The following PI4KA variants were observed in gnomAD, a reference collection of about 807,000 sequenced individuals.
PI4KA encodes the protein PI4-kinase alpha.
PI4KA carries 122 observed loss-of-function variants against 271.4 expected under a neutral mutation model. That is an observed-to-expected ratio of 0.45 (90% CI 0.39 to 0.52). The LOEUF is 0.52. Ranked by LOEUF, PI4KA falls within the 20% of genes least tolerant of loss-of-function variation. PI4KA has a pLI of 0.00. For synonymous variants in PI4KA, 1,041 were observed against 1,078.8 expected (o/e 0.96, Z 0.69); for missense variants, 1,969 against 2,769.1 (o/e 0.71, Z 6.48).
At chr22:20,727,720 A>G (rs1927530607) in intron 40 of PI4KA, 54 bp downstream of exon 40, 1 of 1,302,248 alleles carries the variant, frequency 7.7e-7, no homozygotes. Flanking sequence ...TTCTGGGTGC[A>G]GTGTGCTATT....
chr22:20,744,632 C>T lies in PI4KA; in HGVS notation c.3452G>A (p.Gly1151Asp). The T allele has an allele frequency of 6.2e-7, 1 of 1,613,466 alleles. No individual in the cohort carries two copies. The highest frequency in any genetic ancestry group is 8.5e-7 in the Non-Finnish European group (1 of 1,179,386). Reference protein sequence around the residue: ...ASLNLRNRYAGEVYGMIRFSG... With the variant: ...ASLNLRNRYADEVYGMIRFSG... ...GCGCAAGGACAAGAGAAGCACCTCG[C>T]CCGCGTAGCGGTTGCGCAGATTCAG... Residue 1151 changes from glycine to aspartate, a missense_variant, in exon 30 of 55, where the codon GGC becomes GAC. Gly to Asp is a moderately conservative substitution (Grantham distance 94). Coordinates refer to ENST00000255882, the MANE Select transcript of PI4KA (RefSeq NM_058004.4).
At position 20,729,841 on chromosome 22, in the gene PI4KA, C is replaced by G. The variant is rs1316896283; in HGVS notation, c.4408+51G>C. The G allele has an allele frequency of 1.9e-6, 3 of 1,611,436 alleles. No homozygotes were observed. The Admixed American group carries it at 5.0e-5, about 27-fold the overall frequency. On this transcript the variant is annotated intron_variant, in intron 37 of 54. Transcript: ENST00000255882. ...CAAGTGTCCATCAAGCAGCTTGCAA[C>G]TAGAATGATAGCTTGCATGTGATGG...
Position 20,759,402 on chromosome 22 carries a change from C to CTTTTTTTTTTTTTTT in PI4KA, c.2791+1887_2791+1901dup, listed in dbSNP as rs886192073. Among the ~76,000 whole-genome samples the CTTTTTTTTTTTTTTT allele has an allele frequency of 1.2e-3, 122 of 102,864 alleles. 1 individual carries two copies. The highest frequency in any genetic ancestry group is 2.5e-3 in the Admixed American group (22 of 8,860). The allele number at this position is 102,864 out of a possible 152,430, so 67.5% of individuals were successfully genotyped here. On this transcript the variant is annotated intron_variant, in intron 23 of 54. Transcript: ENST00000255882. ...TTGATTTTTCTTTTTCTTTTCTTTT[C>CTTTTTTTTTTTTTTT]TTTTTTTTTTTTTTTTTTTTTGAGA...
chr22:20,727,797 T>C lies in PI4KA; in HGVS notation c.4750A>G (p.Ser1584Gly). 6.2e-7 allele frequency: 1 copy of C among 1,614,064 alleles called. No homozygotes were observed. Among genetic ancestry groups the C allele is most frequent in the Non-Finnish European group, 8.5e-7 (1 of 1,179,922 alleles). The change falls in exon 40 of 55, where the codon AGT becomes GGT. Residue 1584 changes from serine to glycine, a missense_variant. Physicochemically the swap from Ser to Gly is moderately conservative, Grantham distance 56. Around this residue, in one of 13 missense-constraint regions of PI4KA, gnomAD observed 388 missense variants for 521.5 expected, o/e 0.74. Transcript: ENST00000255882. The part of the protein sequence containing the change: ...RLVRLDPGAV[S>G]DVPEAIKFLV... Reference sequence around the variant, plus strand: ...ACCTTGATTGCTTCAGGCACATCACTAACGGCTCCCGGGTCCAACCGAACG... The same window carrying C: ...ACCTTGATTGCTTCAGGCACATCACCAACGGCTCCCGGGTCCAACCGAACG...
intron 19 of PI4KA, chr22:20,786,078 G>T (rs1290844873): frequency 1.5e-5 from 24 of 1,613,958 alleles, no homozygotes; most frequent in Non-Finnish European, 1.7e-5. Context: ...AAGTTGATGG[G>T]GATCAGGATG....
Position 20,714,249 on chromosome 22 carries a change from G to A in PI4KA, c.5461+209C>T, listed in dbSNP as rs738053. 0.41 allele frequency among the ~76,000 whole-genome samples: 61,606 copies of A among 151,762 alleles called. 12,900 individuals carry two copies. Among genetic ancestry groups the A allele is most frequent in the African/African-American group, 0.48 (19,821 of 41,356 alleles). On this transcript the variant is annotated intron_variant, in intron 47 of 54. Transcript: ENST00000255882. ...TGCTGGAGCATGCCAGCTGACTCAC[G>A]GCAGACAGACCTCTGGGGTGGCACA...
At chr22:20,829,582 C>T (rs1162887377) in intron 3 of PI4KA, among the ~76,000 whole-genome samples, 4 of 146,416 alleles carry the variant, frequency 2.7e-5, no homozygotes, top group Admixed American at 1.4e-4. Context: ...AGCTAGTGAT[C>T]TTTTTTTTTT....
At chr22:20,728,565 C>A (rs1449098788) in intron 39 of PI4KA, among the ~76,000 whole-genome samples, 1 of 152,236 alleles carries the variant, frequency 6.6e-6, no homozygotes, top group East Asian at 1.9e-4. Context: ...CCACAAGGCA[C>A]CTGGTCCATG....
At chr22:20,743,664 G>C (rs1929724125) in intron 30 of PI4KA, among the ~76,000 whole-genome samples, 1 of 152,000 alleles carries the variant, frequency 6.6e-6, no homozygotes, top group Non-Finnish European at 1.5e-5. Flanking sequence ...TTTTTCCAGA[G>C]AGAAGAACAT....
chr22:20,801,019 TAGCTG>T (rs1247702590), intron 14 of PI4KA, among the ~76,000 whole-genome samples: 1 of 148,830 alleles, frequency 6.7e-6, no homozygotes, highest in African/African-American at 2.5e-5. Flanking sequence ...GCCTCCCGAG[TAGCTG>T]GGATTACAGG....
chr22:20,818,930 T>C (rs541574245), intron 6 of PI4KA, among the ~76,000 whole-genome samples: 4 of 152,334 alleles, frequency 2.6e-5, no homozygotes, highest in South Asian at 4.1e-4. Context: ...AAATCTTATG[T>C]TGGGGACTAG....
At chr22:20,784,346 A>G (rs1934038875) in intron 19 of PI4KA, 2 of 1,506,454 alleles carry the variant, frequency 1.3e-6, no homozygotes, top group East Asian at 2.3e-5. Flanking sequence ...AGAATTATGT[A>G]CAAGTACCCA....
intron 39 of PI4KA, 29 bp downstream of exon 39, chr22:20,729,284 G>T: frequency 1.3e-6 from 2 of 1,598,186 alleles, no homozygotes; most frequent in Non-Finnish European, 1.7e-6. Context: ...GGTGAGGCCT[G>T]TGTCAGGCTG....
intron 31 of PI4KA, 85 bp downstream of exon 31, chr22:20,742,523 C>T: frequency 1.3e-6 from 2 of 1,565,876 alleles, no homozygotes; most frequent in Non-Finnish European, 1.8e-6. Context: ...CTTTCTCCGG[C>T]CAGTACTCCA....
Position 20,734,456 on chromosome 22 carries a change from G to A in PI4KA, c.3839C>T (p.Ser1280Leu), listed in dbSNP as rs775685784. The A allele has an allele frequency of 9.3e-6, 15 of 1,613,298 alleles. No individual in the cohort carries two copies. Among genetic ancestry groups the A allele is most frequent in the East Asian group, 6.7e-5 (3 of 44,850 alleles). The change falls in exon 33 of 55, where the codon TCG (serine) becomes TTG (leucine). Residue 1280 changes from serine to leucine, a missense_variant. Around this residue, in one of 13 missense-constraint regions of PI4KA, gnomAD observed 203 missense variants for 256.8 expected, o/e 0.79. Transcript: ENST00000255882. The stretch of plus-strand genomic sequence containing the variant: ...ACAGGGTTTGGGTTGACTTGCTTCC[G>A]AGGCAGCCAGGGGGTCTGCTTCCTT... ...EIKEADPLAA[S>L]EASQPKPCPP...
intron 45 of PI4KA, 62 bp downstream of exon 45, chr22:20,717,646 C>G: frequency 1.5e-6 from 2 of 1,309,058 alleles, no homozygotes; most frequent in Non-Finnish European, 2.2e-6. Flanking sequence ...CAGCAGCCTT[C>G]ACGCCCCGCC....
intron 18 of PI4KA, 112 bp downstream of exon 18, chr22:20,796,034 A>C: frequency 1.0e-6 from 1 of 970,002 alleles, no homozygotes; most frequent in Non-Finnish European, 1.6e-6. Context: ...GGCACATTTA[A>C]ATCATTCACA....
At chr22:20,801,324 G>A (rs960116142) in intron 14 of PI4KA, among the ~76,000 whole-genome samples, 8 of 151,890 alleles carry the variant, frequency 5.3e-5, no homozygotes, top group South Asian at 4.2e-4. Flanking sequence ...GGTGGCTCAC[G>A]CTTGTAATCC....
intron 2 of PI4KA, among the ~76,000 whole-genome samples, chr22:20,837,291 C>T (rs932989102): frequency 6.6e-6 from 1 of 152,148 alleles, no homozygotes; most frequent in Admixed American, 6.5e-5. Flanking sequence ...ATGGGAGAAT[C>T]CCTTGAGCCC....
Sources: allele counts gnomAD v4.1 joint callset (sites outside exome capture counted in the v4.1 genomes callset), GRCh38; gene constraint gnomAD v4.1.1; regional missense constraint gnomAD v4.1.1; transcripts MANE v1.5; gene names NCBI Gene and HGNC (gene_info 2026-07-23, HGNC 2026-07-21).